The following IFT172 variants were observed in gnomAD, a reference collection of about 807,000 sequenced individuals.
IFT172 encodes intraflagellar transport protein 172 homolog.
IFT172 carries 164 observed loss-of-function variants against 248.9 expected under a neutral mutation model. The observed-to-expected ratio is 0.66, with a 90% CI of 0.58 to 0.75. IFT172 has a LOEUF of 0.75. Among genes scored for constraint, IFT172 ranks in the 30% least tolerant of loss-of-function variants. IFT172 has a pLI of 0.00. For synonymous variants in IFT172, 729 were observed against 791.6 expected, an observed-to-expected ratio of 0.92 and a Z score of 1.33; for missense variants, 1,950 against 2,192.4, an observed-to-expected ratio of 0.89 and a Z score of 2.21.
chr2:27,476,586 A>T (rs899355987), intron 14 of IFT172, 55 bp downstream of exon 14: 4 of 1,076,424 alleles, frequency 3.7e-6, no homozygotes, highest in Admixed American at 1.8e-5. Flanking sequence ...TGTGGTATGG[A>T]AGTGTGATAT....
In IFT172 at chr2:27,445,191, C is replaced by G. The variant is rs1664948287; in HGVS notation, c.5069-86G>C. ...GGAGCAGCCTGGGGGGTAGAAAGCA[C>G]AGTCCTGTCTTTTGTACCCTTTACT... On this transcript the variant is annotated intron_variant, in intron 46 of 47. Coordinates refer to ENST00000260570, the MANE Select transcript of IFT172 (RefSeq NM_015662.3). The surrounding 1 kb of genome is among the most constrained non-coding windows in gnomAD (Gnocchi z 4.4). 3.8e-6 allele frequency: 6 copies of G among 1,593,940 alleles called. No individual in the cohort carries two copies. The highest frequency in any genetic ancestry group is 1.7e-5 in the Admixed American group (1 of 57,220).
At chr2:27,447,162 T>C (rs892432322) in intron 42 of IFT172, among the ~76,000 whole-genome samples, 1 of 152,214 alleles carries the variant, frequency 6.6e-6, no homozygotes, top group African/African-American at 2.4e-5. Context: ...GTTTCTAAGG[T>C]TCTTTCCACT....
intron 14 of IFT172, among the ~76,000 whole-genome samples, chr2:27,473,500 CAG>C (rs1318803337): frequency 2.0e-5 from 3 of 149,400 alleles, no homozygotes; most frequent in Non-Finnish European, 4.4e-5. Context: ...TTAGTAGAGA[CAG>C]GGTTTCACCG....
chr2:27,465,586 T>C, intron 17 of IFT172, 68 bp from the exon 18 acceptor site: 1 of 1,557,840 alleles, frequency 6.4e-7, no homozygotes, highest in Non-Finnish European at 8.9e-7. Flanking sequence ...AGAAGACTGG[T>C]GATGGGGCAA....
intron 16 of IFT172, 67 bp downstream of exon 16, chr2:27,470,861 G>A: frequency 1.4e-6 from 2 of 1,439,732 alleles, no homozygotes; most frequent in African/African-American, 2.9e-5. Context: ...GTAGCCTTCA[G>A]AGTCTCCTCA....
chr2:27,455,836 G>C, intron 30 of IFT172: 1 of 458,670 alleles, frequency 2.2e-6, no homozygotes, highest in South Asian at 1.7e-5. Flanking sequence ...ACATATAGGA[G>C]GGAAAATCCT....
intron 14 of IFT172, among the ~76,000 whole-genome samples, chr2:27,474,795 G>A (rs1032131503): frequency 6.6e-6 from 1 of 151,926 alleles, no homozygotes; most frequent in Non-Finnish European, 1.5e-5. Flanking sequence ...CAGGTGATCC[G>A]CCTGCCTTGG....
chr2:27,489,533 G>A, intron 1 of IFT172, 82 bp downstream of exon 1: 2 of 1,032,886 alleles, frequency 1.9e-6, no homozygotes, highest in East Asian at 2.4e-5. Flanking sequence ...ACAGTAGGAG[G>A]TCAACATCAT....
rs753092893 is a variant in IFT172, at chr2:27,477,349, G to A, written c.1222-29C>T. The stretch of plus-strand genomic sequence containing the variant: ...GGAAAAATGGAGTTGTTATACGGTG[G>A]AAAGGCTACATGAAGAAAAACAGTA... On this transcript the variant is annotated intron_variant, in intron 12 of 47. Transcript: ENST00000260570. The A allele has an allele frequency of 8.8e-5, 140 of 1,585,904 alleles. 1 individual carries two copies. The highest frequency in any genetic ancestry group is 1.1e-4 in the Non-Finnish European group (131 of 1,154,462).
Position 27,481,007 on chromosome 2 carries a change from G to A in IFT172, c.785+39C>T, listed in dbSNP as rs562055172. 5.3e-6 allele frequency: 8 copies of A among 1,518,224 alleles called. No individual in the cohort carries two copies. The East Asian group carries it at 1.1e-4, about 21-fold the overall frequency. 94.0% of individuals were successfully genotyped at this position (1,518,224 alleles called of 1,614,324 possible). A position where few individuals can be genotyped will look rare whatever the true frequency, so the allele number is the denominator to read the frequency against. On this transcript the variant is annotated intron_variant, in intron 8 of 47. Transcript: ENST00000260570. ...TGGCTAAAGCAGAGAGTGTTCGCAG[G>A]GAAAGTAGGCAGTAGATAAAACTGG...
chr2:27,484,198 A>G, intron 4 of IFT172, 29 bp downstream of exon 4: 1 of 1,613,688 alleles, frequency 6.2e-7, no homozygotes, highest in East Asian at 2.2e-5. Flanking sequence ...TGTTCATCCT[A>G]AGGTTCCAGG....
At position 27,461,780 on chromosome 2, in the gene IFT172, A is replaced by G. The variant is rs148556047; in HGVS notation, c.2172T>C (p.Cys724=). 1.1e-5 allele frequency: 18 copies of G among 1,614,066 alleles called. No homozygotes were observed. The highest frequency in any genetic ancestry group is 1.4e-5 in the Non-Finnish European group (17 of 1,180,044). ...MYQELHRWDE[C]IAVAEAKGHP... is the part of the protein sequence containing the mutation. ...GTACCTTGGCTTCAGCCACAGCGAT[A>G]CACTCATCCCAACGGTGTAGCTCCT... The change falls in exon 21 of 48, where the codon TGT becomes TGC. Residue 724 remains cysteine (C), a synonymous_variant. Transcript: ENST00000260570.
intron 35 of IFT172, among the ~76,000 whole-genome samples, chr2:27,452,409 T>C (rs1310575234): frequency 1.3e-5 from 2 of 152,202 alleles, no homozygotes; most frequent in African/African-American, 2.4e-5. Context: ...CTTGTCTATC[T>C]CCATAACTGC....
rs1465330436 is a variant in IFT172, at chr2:27,480,118, T to G, written c.817A>C (p.Ser273Arg). 2.5e-6 allele frequency: 4 copies of G among 1,614,048 alleles called. No individual in the cohort carries two copies. In the South Asian group the frequency reaches 4.4e-5, roughly 18 times the overall value. ...LRVFNWIPRR[S>R]IWEEAKPKEI... ...TTGGGCTTTGCCTCTTCCCAGATGC[T>G]TCTTCGAGGGATCCAGTTGAACACC... is the stretch of plus-strand genomic sequence containing the variant. Residue 273 changes from serine (S) to arginine (R), a missense_variant, in exon 9 of 48, where the codon AGC (serine) becomes CGC (arginine). Coordinates refer to ENST00000260570, the MANE Select transcript of IFT172 (RefSeq NM_015662.3).
At chr2:27,472,977 G>T (rs1667683893) in intron 14 of IFT172, among the ~76,000 whole-genome samples, 1 of 152,078 alleles carries the variant, frequency 6.6e-6, no homozygotes, top group African/African-American at 2.4e-5. Flanking sequence ...TGAACAATGG[G>T]CCCCACTTTG....
chr2:27,452,905 G>C (rs1665803027), intron 35 of IFT172, among the ~76,000 whole-genome samples: 1 of 152,172 alleles, frequency 6.6e-6, no homozygotes, highest in Non-Finnish European at 1.5e-5. Flanking sequence ...ATACTGGCCT[G>C]GCTTAATTTG....
intron 33 of IFT172, 31 bp from the exon 34 acceptor site, chr2:27,453,770 G>A (rs1202770882): frequency 6.3e-7 from 1 of 1,593,134 alleles, no homozygotes; most frequent in East Asian, 2.2e-5. Context: ...CAAGAGGGCA[G>A]AGGCAGGCCT....
intron 16 of IFT172, among the ~76,000 whole-genome samples, chr2:27,466,832 C>T (rs1222316882): frequency 6.6e-6 from 1 of 150,586 alleles, no homozygotes; most frequent in African/African-American, 2.4e-5. Context: ...GGCAACATAG[C>T]AAGACCTCAT....
chr2:27,465,606 G>A, intron 17 of IFT172, 88 bp from the exon 18 acceptor site: 1 of 1,529,842 alleles, frequency 6.5e-7, no homozygotes, highest in Non-Finnish European at 9.1e-7. Flanking sequence ...AGGGGAGGGG[G>A]AAGGGCCATC....
Sources: gnomAD v4.1 joint callset for allele counts (sites outside exome capture counted in the v4.1 genomes callset) on GRCh38, gnomAD v4.1.1 for gene constraint, Gnocchi (gnomAD v3.1) non-coding constraint, MANE v1.5 for transcripts, NCBI Gene and HGNC (gene_info 2026-07-23, HGNC 2026-07-21) for gene names.